Variants in MAGI2 observed in about 807,000 individuals in gnomAD.
MAGI2 encodes membrane-associated guanylate kinase, WW and PDZ domain-containing protein 2.
Under a neutral mutation model 133.3 loss-of-function variants are expected in MAGI2, and 35 were observed. That is an observed-to-expected ratio of 0.26 (90% CI 0.20 to 0.35). The LOEUF is 0.35. Ranked by LOEUF, MAGI2 falls within the 10% of genes least tolerant of loss-of-function variation. MAGI2 has a pLI of 1.00. For missense variants in MAGI2, 1,636 were observed against 1,863.4 expected (o/e 0.88, Z 2.25); for synonymous variants, 729 against 710.6 (o/e 1.03, Z -0.41).
At chr7:79,178,078 A>C (rs1826271392) in intron 1 of MAGI2, among the ~76,000 whole-genome samples, 1 of 152,008 alleles carries the variant, frequency 6.6e-6, no homozygotes, top group African/African-American at 2.4e-5. Flanking sequence ...ATCTTTATGA[A>C]AATAAGATCC....
At chr7:78,639,003 A>G (rs889627458) in intron 2 of MAGI2, among the ~76,000 whole-genome samples, 6 of 152,216 alleles carry the variant, frequency 3.9e-5, no homozygotes, top group African/African-American at 1.4e-4. Flanking sequence ...CTCATGTAAA[A>G]TTAATCTGGG....
chr7:78,553,986 C>T (rs777993438), intron 3 of MAGI2, among the ~76,000 whole-genome samples: 6 of 152,072 alleles, frequency 3.9e-5, no homozygotes, highest in Non-Finnish European at 7.4e-5. Flanking sequence ...TATGTCTGCT[C>T]CATAAAATCT....
At chr7:78,785,496 GC>G (rs1177094352) in intron 2 of MAGI2, among the ~76,000 whole-genome samples, 3 of 152,160 alleles carry the variant, frequency 2.0e-5, no homozygotes. Context: ...CAGAGGTGCT[GC>G]CTTTGATGCC....
chr7:79,211,445 T>C (rs1342594214), intron 1 of MAGI2, among the ~76,000 whole-genome samples: 3 of 151,024 alleles, frequency 2.0e-5, no homozygotes, highest in Admixed American at 1.3e-4. Context: ...CGGCTAATTA[T>C]TTTCTTTCTT....
At chr7:78,563,085 G>A (rs917398494) in intron 3 of MAGI2, among the ~76,000 whole-genome samples, 5 of 151,482 alleles carry the variant, frequency 3.3e-5, no homozygotes, top group African/African-American at 1.2e-4. Flanking sequence ...GGTAATAAGA[G>A]CCTGGTAAAG....
intron 3 of MAGI2, among the ~76,000 whole-genome samples, chr7:78,544,791 G>A (rs1359248776): frequency 6.6e-6 from 1 of 151,870 alleles, no homozygotes; most frequent in East Asian, 1.9e-4. Flanking sequence ...CTGAGATCAC[G>A]CCATTGCACT....
intron 2 of MAGI2, among the ~76,000 whole-genome samples, chr7:78,999,044 T>C (rs999825267): frequency 6.6e-6 from 1 of 152,116 alleles, no homozygotes; most frequent in Non-Finnish European, 1.5e-5. Flanking sequence ...TCTCTCCCCA[T>C]TTATTCCTTG....
intron 2 of MAGI2, among the ~76,000 whole-genome samples, chr7:78,654,723 A>G (rs200493969): frequency 0.19 from 22,574 of 121,318 alleles, 2,432 homozygotes; most frequent in Middle Eastern, 0.28. Context: ...ATATATATAT[A>G]TATATATATA....
intron 6 of MAGI2, among the ~76,000 whole-genome samples, chr7:78,439,236 C>A (rs1203833182): frequency 6.6e-6 from 1 of 152,178 alleles, no homozygotes; most frequent in Non-Finnish European, 1.5e-5. Flanking sequence ...TTGCCCGAGT[C>A]AGTCACTGTT....
chr7:78,109,270 G>C lies in MAGI2; in HGVS notation c.3567+16424C>G, dbSNP rs1373566969. Reference sequence around the variant, plus strand: ...AGTGAGCCGACATCGAGCCACTGCAGTCCAGCCTGGGCGACAGAGCAAGAC... The same window carrying C: ...AGTGAGCCGACATCGAGCCACTGCACTCCAGCCTGGGCGACAGAGCAAGAC... On this transcript the variant is annotated intron_variant, in intron 20 of 21. Transcript: ENST00000354212. 3.2e-3 allele frequency among the ~76,000 whole-genome samples: 352 copies of C among 111,094 alleles called. 2 individuals are homozygous for C. The highest frequency in any genetic ancestry group is 9.1e-3 in the African/African-American group (263 of 28,960). 72.9% of individuals were successfully genotyped at this position (111,094 alleles called of 152,430 possible). A position where few individuals can be genotyped will look rare whatever the true frequency, so the allele number is the denominator to read the frequency against.
At chr7:78,531,481 G>A (rs1797467482) in intron 3 of MAGI2, among the ~76,000 whole-genome samples, 1 of 152,030 alleles carries the variant, frequency 6.6e-6, no homozygotes, top group Non-Finnish European at 1.5e-5. Flanking sequence ...CAAAGTACTG[G>A]GATTACAGGC....
At chr7:78,888,571 C>A (rs534670413) in intron 2 of MAGI2, among the ~76,000 whole-genome samples, 232 of 152,288 alleles carry the variant, frequency 1.5e-3, no homozygotes, top group Admixed American at 3.6e-3. Context: ...TGCTGTTCAC[C>A]AATATCCGCT....
Position 79,281,417 on chromosome 7 carries a change from A to G in MAGI2, c.301+171603T>C, listed in dbSNP as rs182603019. Among the ~76,000 whole-genome samples the G allele has an allele frequency of 2.9e-3, 440 of 152,290 alleles. 1 individual carries two copies. Among genetic ancestry groups the G allele is most frequent in the Non-Finnish European group, 4.9e-3 (333 of 68,022 alleles). ...ATAAGAAAAAAGCTGGCTTTGATGTACAACTTTATGATGCTTTTATATCTG... is the reference window on the plus strand; with the variant it reads ...ATAAGAAAAAAGCTGGCTTTGATGTGCAACTTTATGATGCTTTTATATCTG... On this transcript the variant is annotated intron_variant, in intron 1 of 21. Coordinates refer to ENST00000354212, the MANE Select transcript of MAGI2 (RefSeq NM_012301.4).
chr7:78,899,873 T>G (rs1248988058), intron 2 of MAGI2, among the ~76,000 whole-genome samples: 1 of 152,220 alleles, frequency 6.6e-6, no homozygotes, highest in Non-Finnish European at 1.5e-5. Context: ...AACATGTTTA[T>G]TAATTTGTTC....
intron 1 of MAGI2, among the ~76,000 whole-genome samples, chr7:79,440,529 G>A (rs779463648): frequency 1.3e-5 from 2 of 152,024 alleles, no homozygotes; most frequent in Non-Finnish European, 2.9e-5. Context: ...CTGAGCCTAT[G>A]TAGCTGGAAA....
intron 1 of MAGI2, among the ~76,000 whole-genome samples, chr7:79,342,400 A>G (rs1840969255): frequency 6.6e-6 from 1 of 152,230 alleles, no homozygotes; most frequent in Non-Finnish European, 1.5e-5. Flanking sequence ...ACTGTAGTTG[A>G]AGACATGGTC....
intron 1 of MAGI2, among the ~76,000 whole-genome samples, chr7:79,273,206 T>A (rs868771599): frequency 6.7e-6 from 1 of 149,834 alleles, no homozygotes; most frequent in African/African-American, 2.4e-5. Flanking sequence ...TTTGTTGTTT[T>A]GTTCTTAAAT....
chr7:78,847,559 G>A (rs1717668767), intron 2 of MAGI2, among the ~76,000 whole-genome samples: 1 of 152,010 alleles, frequency 6.6e-6, no homozygotes, highest in South Asian at 2.1e-4. Flanking sequence ...TCCATGTAAT[G>A]TGAACTGTTT....
intron 6 of MAGI2, among the ~76,000 whole-genome samples, chr7:78,458,760 G>A (rs1317887487): frequency 2.0e-5 from 3 of 151,550 alleles, no homozygotes; most frequent in Admixed American, 6.6e-5. Flanking sequence ...TCAGCCTCCC[G>A]AGTAGGTGGG....
Sources: allele counts gnomAD v4.1 joint callset (sites outside exome capture counted in the v4.1 genomes callset), GRCh38; gene constraint gnomAD v4.1.1; transcripts MANE v1.5; gene names NCBI Gene and HGNC (gene_info 2026-07-23, HGNC 2026-07-21).